GALNT13: variants seen among roughly 807,000 people sequenced by gnomAD.
GALNT13 encodes the protein polypeptide N-acetylgalactosaminyltransferase 13.
In GALNT13, 28 loss-of-function variants were observed where a neutral mutation model predicts 64.2. That is an observed-to-expected ratio of 0.44 (90% CI 0.32 to 0.60). The LOEUF (loss-of-function observed/expected upper bound fraction) is 0.60. GALNT13 is among the 20% of genes least tolerant of loss of function. The pLI is 0.05. For missense variants in GALNT13, 577 were observed against 669.8 expected, an observed-to-expected ratio of 0.86 and a Z score of 1.53; for synonymous variants, 214 against 224.6, an observed-to-expected ratio of 0.95 and a Z score of 0.42.
At chr2:153,423,689 C>T in the GALNT13 span, among the ~76,000 whole-genome samples, 21 of 151,544 alleles carry the variant, frequency 1.4e-4, 1 homozygote, top group Middle Eastern at 6.8e-3. Flanking sequence ...ACAGAAGCAA[C>T]GAGAGTACTA....
At chr2:153,941,035 T>G (rs1009415581) in intron 2 of GALNT13, among the ~76,000 whole-genome samples, 2 of 152,204 alleles carry the variant, frequency 1.3e-5, no homozygotes, top group Non-Finnish European at 2.9e-5. Flanking sequence ...AAACTTTATC[T>G]AGATTTTATT....
intron 9 of GALNT13, among the ~76,000 whole-genome samples, chr2:154,379,224 A>G (rs1698147923): frequency 6.6e-6 from 1 of 152,148 alleles, no homozygotes. Context: ...TAATAAAGAC[A>G]TATCATATTG....
At chr2:153,279,874 G>C in the GALNT13 span, among the ~76,000 whole-genome samples, 1 of 151,690 alleles carries the variant, frequency 6.6e-6, no homozygotes, top group Non-Finnish European at 1.5e-5. Flanking sequence ...GGTAATACTC[G>C]CGTCATAGAA....
intron 3 of GALNT13, among the ~76,000 whole-genome samples, chr2:153,966,404 C>A (rs111479745): frequency 0.065 from 9,677 of 149,790 alleles, 475 homozygotes; most frequent in East Asian, 0.13. Flanking sequence ...CTTGCACTGT[C>A]GCCTAGGCTG....
chr2:153,558,123 A>G, the GALNT13 span, among the ~76,000 whole-genome samples: 1 of 152,206 alleles, frequency 6.6e-6, no homozygotes, highest in Non-Finnish European at 1.5e-5. Flanking sequence ...CCTTTACAGC[A>G]GAGTTTTCTG....
chr2:153,882,255 A>G (rs1686837369), intron 1 of GALNT13, among the ~76,000 whole-genome samples: 1 of 152,064 alleles, frequency 6.6e-6, no homozygotes, highest in African/African-American at 2.4e-5. Context: ...TAAGCCCCCA[A>G]AGGCCTGAGG....
At chr2:153,720,933 G>T in the GALNT13 span, among the ~76,000 whole-genome samples, 1 of 151,904 alleles carries the variant, frequency 6.6e-6, no homozygotes, top group Admixed American at 6.6e-5. Context: ...AAGGCAGGCC[G>T]ACGTTCAGAT....
chr2:154,072,999 A>G (rs1700811415), intron 3 of GALNT13, among the ~76,000 whole-genome samples: 1 of 152,030 alleles, frequency 6.6e-6, no homozygotes, highest in South Asian at 2.1e-4. Flanking sequence ...CTGAAGGTCT[A>G]ATAGGTCAAA....
At chr2:153,976,259 A>G (rs1209284295) in intron 3 of GALNT13, among the ~76,000 whole-genome samples, 1 of 150,586 alleles carries the variant, frequency 6.6e-6, no homozygotes, top group Non-Finnish European at 1.5e-5. Flanking sequence ...CTCAATAATC[A>G]ATCAATTAAT....
intron 12 of GALNT13, among the ~76,000 whole-genome samples, chr2:154,441,321 T>C (rs1300526975): frequency 6.6e-6 from 1 of 152,114 alleles, no homozygotes; most frequent in Non-Finnish European, 1.5e-5. Context: ...GCTCAGTGGT[T>C]CTATTCTTCT....
the GALNT13 span, among the ~76,000 whole-genome samples, chr2:153,660,920 G>C: frequency 6.6e-6 from 1 of 152,094 alleles, no homozygotes; most frequent in African/African-American, 2.4e-5. Context: ...GACAGCATTG[G>C]AGGCACTGCC....
At chr2:153,357,046 A>G in the GALNT13 span, among the ~76,000 whole-genome samples, 104,156 of 151,652 alleles carry the variant, frequency 0.69, 36,577 homozygotes, top group African/African-American at 0.79. Flanking sequence ...CTGATCTCTC[A>G]ATCCACCTGC....
the GALNT13 span, among the ~76,000 whole-genome samples, chr2:153,191,676 T>C: frequency 6.6e-6 from 1 of 151,848 alleles, no homozygotes; most frequent in African/African-American, 2.4e-5. Context: ...AAGTTGGCTG[T>C]GAAGCTGTCA....
the GALNT13 span, among the ~76,000 whole-genome samples, chr2:153,685,717 A>G: frequency 9.9e-5 from 15 of 151,936 alleles, no homozygotes; most frequent in African/African-American, 3.4e-4. Flanking sequence ...GCTTTTGGCA[A>G]TTTCATCAGG....
At chr2:154,178,722 C>T (rs1685794385) in intron 4 of GALNT13, among the ~76,000 whole-genome samples, 1 of 152,126 alleles carries the variant, frequency 6.6e-6, no homozygotes, top group Admixed American at 6.5e-5. Flanking sequence ...TTTGCAATAG[C>T]TTCTTAATTT....
At position 154,387,775 on chromosome 2, in the gene GALNT13, T is replaced by C. The variant is rs190379728; in HGVS notation, c.1157-8216T>C. The stretch of plus-strand genomic sequence containing the variant: ...GATTTTCTTCCTTTTTAAGGCTAAA[T>C]AGTGCTTCATTGCATAGAATACAAC... On this transcript the variant is annotated intron_variant, in intron 9 of 12. Coordinates refer to ENST00000392825, the MANE Select transcript of GALNT13 (RefSeq NM_052917.4). Among the ~76,000 whole-genome samples, 46 of 152,304 alleles carry C rather than the reference T, an allele frequency of 3.0e-4. 1 individual carries two copies. In the East Asian group the frequency reaches 8.5e-3, roughly 28 times the overall value.
chr2:153,141,534 G>A, the GALNT13 span, among the ~76,000 whole-genome samples: 1 of 152,030 alleles, frequency 6.6e-6, no homozygotes. Flanking sequence ...GAGGTGGGGA[G>A]ATGCTGCAGT....
At chr2:153,119,510 G>C in the GALNT13 span, among the ~76,000 whole-genome samples, 1 of 152,284 alleles carries the variant, frequency 6.6e-6, no homozygotes, top group South Asian at 2.1e-4. Flanking sequence ...GCAATATATA[G>C]TGTTAAATAA....
chr2:153,963,162 T>C (rs7587253), intron 3 of GALNT13, among the ~76,000 whole-genome samples: 28,342 of 152,174 alleles, frequency 0.19, 3,382 homozygotes, highest in Non-Finnish European at 0.26. Context: ...GTTGTCTTTA[T>C]GTGCCACTAT....
Sources: allele counts gnomAD v4.1 joint callset (sites outside exome capture counted in the v4.1 genomes callset), GRCh38; gene constraint gnomAD v4.1.1; transcripts MANE v1.5; gene names NCBI Gene and HGNC (gene_info 2026-07-23, HGNC 2026-07-21).